RBMS1: variants seen among roughly 807,000 people sequenced by gnomAD.
The protein encoded by RBMS1 is RNA binding motif single stranded interacting protein 1.
Under a neutral mutation model 62.3 loss-of-function variants are expected in RBMS1, and 17 were observed. That is an observed-to-expected ratio of 0.27 (90% confidence interval 0.19 to 0.41). RBMS1 has a LOEUF of 0.41. RBMS1 is among the 10% of genes least tolerant of loss of function. RBMS1 has a pLI of 1.00. For missense variants in RBMS1, 334 were observed against 504.5 expected, an observed-to-expected ratio of 0.66 and a Z score of 3.24; for synonymous variants, 172 against 170.0, an observed-to-expected ratio of 1.01 and a Z score of -0.09.
chr2:160,417,972 A>G (rs1216963134), intron 1 of RBMS1, among the ~76,000 whole-genome samples: 5 of 152,188 alleles, frequency 3.3e-5, no homozygotes, highest in Non-Finnish European at 1.5e-5. Flanking sequence ...TCTCACAAAG[A>G]CATCCATCAC....
Position 160,378,661 on chromosome 2 carries a change from TAC to T in RBMS1, c.76-11272_76-11271del, listed in dbSNP as rs1694125200. On this transcript the variant is annotated intron_variant, in intron 1 of 13. Transcript: ENST00000348849. ...CTTTGATGCTTTTCTGTCATAAGAGTACACTCAGAGTCAACTACCAATTTAAC... is the reference window on the plus strand; with the variant it reads ...CTTTGATGCTTTTCTGTCATAAGAGTACTCAGAGTCAACTACCAATTTAAC... 2.0e-5 allele frequency among the ~76,000 whole-genome samples: 3 copies of T among 150,012 alleles called. No individual in the cohort carries two copies. The South Asian group carries it at 6.3e-4, about 32-fold the overall frequency.
At chr2:160,368,782 G>A (rs930336929) in intron 1 of RBMS1, among the ~76,000 whole-genome samples, 2 of 152,138 alleles carry the variant, frequency 1.3e-5, no homozygotes, top group African/African-American at 2.4e-5. Flanking sequence ...TGGGATTACA[G>A]ACGCACAACA....
chr2:160,417,311 T>C (rs1696247784), intron 1 of RBMS1, among the ~76,000 whole-genome samples: 1 of 152,222 alleles, frequency 6.6e-6, no homozygotes, highest in Non-Finnish European at 1.5e-5. Context: ...TGAATTTGCA[T>C]CCTAATCTTT....
rs116625159 is a variant in RBMS1 at position 160,300,299 on chromosome 2, G to T, written c.640+352C>A. ...TAAAGGCCATAGGAACTGAGGTCTA[G>T]GCACTGCTGGGATAGAAAGGTACCA... On this transcript the variant is annotated intron_variant, in intron 6 of 13. Transcript: ENST00000348849. 5.2e-3 allele frequency among the ~76,000 whole-genome samples: 785 copies of T among 152,226 alleles called. 8 individuals carry two copies. Among genetic ancestry groups the T allele is most frequent in the African/African-American group, 0.018 (747 of 41,532 alleles).
intron 2 of RBMS1, among the ~76,000 whole-genome samples, chr2:160,348,565 T>C (rs1692311657): frequency 6.6e-6 from 1 of 152,104 alleles, no homozygotes; most frequent in Non-Finnish European, 1.5e-5. Flanking sequence ...CTGTTTCAAG[T>C]GCTTCTCATT....
chr2:160,285,188 G>A, intron 7 of RBMS1, 144 bp from the exon 8 acceptor site: 1 of 731,034 alleles, frequency 1.4e-6, no homozygotes, highest in Non-Finnish European at 2.4e-6. Flanking sequence ...AAGCCCAGGA[G>A]TTCGAGGCTG....
chr2:160,478,757 A>G (rs2105353941), intron 1 of RBMS1, among the ~76,000 whole-genome samples: 1 of 152,366 alleles, frequency 6.6e-6, no homozygotes, highest in African/African-American at 2.4e-5. Context: ...TGATCCAAAC[A>G]GCACGAGGGA....
At chr2:160,317,001 ACTCT>A in intron 3 of RBMS1, among the ~76,000 whole-genome samples, 1 of 152,022 alleles carries the variant, frequency 6.6e-6, no homozygotes, top group Non-Finnish European at 1.5e-5. Context: ...CTATAATTTG[ACTCT>A]CTCTAGTTTA....
At chr2:160,471,718 A>ATATATATATATATATATATATATAAAG (rs1357101386) in intron 1 of RBMS1, among the ~76,000 whole-genome samples, 1 of 14,530 alleles carries the variant, frequency 6.9e-5, no homozygotes, top group Non-Finnish European at 2.1e-4. Flanking sequence ...TATATATATA[A>ATATATATATATATATATATATATAAAG]CCTTTCATAC....
At chr2:160,467,387 G>A (rs1301262194) in intron 1 of RBMS1, among the ~76,000 whole-genome samples, 1 of 152,090 alleles carries the variant, frequency 6.6e-6, no homozygotes, top group Non-Finnish European at 1.5e-5. Flanking sequence ...TAGTCTTATC[G>A]CCTGAGTGCC....
At chr2:160,394,225 A>G (rs1695017798) in intron 1 of RBMS1, among the ~76,000 whole-genome samples, 1 of 152,214 alleles carries the variant, frequency 6.6e-6, no homozygotes, top group South Asian at 2.1e-4. Context: ...TCAAGTGGCC[A>G]TTCAGAATTT....
intron 1 of RBMS1, among the ~76,000 whole-genome samples, chr2:160,407,213 C>T (rs1695775178): frequency 6.6e-6 from 1 of 152,182 alleles, no homozygotes; most frequent in South Asian, 2.1e-4. Context: ...CGGCGCGCTT[C>T]TGCCCTCGCC....
At chr2:160,282,029 T>C in intron 9 of RBMS1, 1 of 333,524 alleles carries the variant, frequency 3.0e-6, no homozygotes, top group South Asian at 2.5e-5. Context: ...GAGAGTCAGG[T>C]TTTGTGGCAG....
At chr2:160,285,175 T>C in intron 7 of RBMS1, 131 bp from the exon 8 acceptor site, 1 of 833,258 alleles carries the variant, frequency 1.2e-6, no homozygotes, top group African/African-American at 1.7e-5. Flanking sequence ...GAAGATCCTT[T>C]TGAAGCCCAG....
Position 160,330,511 on chromosome 2 carries a change from T to C in RBMS1, c.252-12284A>G, listed in dbSNP as rs548371918. On this transcript the variant is annotated intron_variant, in intron 2 of 13. Coordinates refer to ENST00000348849, the MANE Select transcript of RBMS1 (RefSeq NM_016836.4). ...AGAATGAATACTTAGCCAAAGTCAA[T>C]AAAATAACATTCACTAGGGAAAAAT... Among the ~76,000 whole-genome samples the C allele has an allele frequency of 3.3e-5, 5 of 152,046 alleles. No individual in the cohort carries two copies. The East Asian group carries it at 9.7e-4, about 29-fold the overall frequency.
intron 2 of RBMS1, among the ~76,000 whole-genome samples, chr2:160,347,157 A>G (rs1043046064): frequency 3.5e-4 from 53 of 152,232 alleles, no homozygotes; most frequent in African/African-American, 1.3e-3. Flanking sequence ...CAGAGGTGGG[A>G]CCATGGCTTT....
intron 3 of RBMS1, among the ~76,000 whole-genome samples, chr2:160,314,310 G>A (rs115483648): frequency 0.062 from 9,471 of 152,006 alleles, 407 homozygotes; most frequent in Non-Finnish European, 0.095. Context: ...CTAACGAAAC[G>A]GTACCAGGCA....
At chr2:160,423,348 G>A (rs1367302382) in intron 1 of RBMS1, among the ~76,000 whole-genome samples, 1 of 113,494 alleles carries the variant, frequency 8.8e-6, no homozygotes, top group Non-Finnish European at 1.6e-5. Flanking sequence ...ACTTGCTCAA[G>A]TCTTCTCTAT....
chr2:160,482,423 CAAAT>C (rs143319470), intron 1 of RBMS1, among the ~76,000 whole-genome samples: 40,229 of 108,298 alleles, frequency 0.37, 6,014 homozygotes, highest in African/African-American at 0.47. Context: ...TTTAAATAAA[CAAAT>C]AAAATTATTC....
Sources: gnomAD v4.1 joint callset for allele counts (sites outside exome capture counted in the v4.1 genomes callset) on GRCh38, gnomAD v4.1.1 for gene constraint, MANE v1.5 for transcripts, NCBI Gene and HGNC (gene_info 2026-07-23, HGNC 2026-07-21) for gene names.